MATR3: variants seen among roughly 807,000 people sequenced by gnomAD.
The protein encoded by MATR3 is matrin 3, also known as matrin-3.
Under a neutral mutation model 85.5 loss-of-function variants are expected in MATR3, and 4 were observed. That is an observed-to-expected ratio of 0.05 (90% CI 0.02 to 0.11). MATR3 has a LOEUF of 0.11. MATR3 is among the 10% of genes least tolerant of loss of function. MATR3 has a pLI of 1.00. For missense variants in MATR3, 685 were observed against 1,016.1 expected (o/e 0.67, Z 4.43); for synonymous variants, 336 against 343.1 (o/e 0.98, Z 0.23).
intron 1 of MATR3, among the ~76,000 whole-genome samples, chr5:139,305,604 G>T (rs1224893114): frequency 3.0e-4 from 46 of 152,092 alleles, no homozygotes. Flanking sequence ...ATTCTGTCTG[G>T]CATTTATAAG....
intron 14 of MATR3, 69 bp from the exon 15 acceptor site, chr5:139,329,276 T>A (rs1756010248): frequency 9.1e-7 from 1 of 1,101,550 alleles, no homozygotes; most frequent in East Asian, 2.4e-5. Flanking sequence ...GATATTTGAT[T>A]TTGGAATTAA....
upstream of MATR3, among the ~76,000 whole-genome samples, chr5:139,289,776 CTT>C (rs904842203): frequency 1.3e-5 from 2 of 152,182 alleles, no homozygotes; most frequent in African/African-American, 4.8e-5. Context: ...CTTAATCCTG[CTT>C]TCTCTCCTCT....
At chr5:139,298,194 A>G (rs973959929) in intron 1 of MATR3, among the ~76,000 whole-genome samples, 3 of 152,232 alleles carry the variant, frequency 2.0e-5, no homozygotes, top group Admixed American at 2.0e-4. Context: ...ACACACGGGA[A>G]CCTATACCAT....
intron 7 of MATR3, 114 bp downstream of exon 7, chr5:139,317,835 CAAATGCA>C: frequency 9.5e-7 from 1 of 1,055,276 alleles, no homozygotes; most frequent in Middle Eastern, 3.0e-4. Context: ...TTAAGTTTAT[CAAATGCA>C]GAATGTAGTA....
intron 1 of MATR3, chr5:139,294,042 G>T (rs1173424930): frequency 8.0e-7 from 1 of 1,245,952 alleles, no homozygotes; most frequent in Non-Finnish European, 1.0e-6. Flanking sequence ...AGCGGTCCGG[G>T]AGGGAAACAC....
chr5:139,279,029 T>G, intron 2 of MATR3: 1 of 496,952 alleles, frequency 2.0e-6, no homozygotes, highest in Non-Finnish European at 4.0e-6. Context: ...AGCCTGTCAT[T>G]CTTTACCTCT....
At chr5:139,328,422 C>G (rs1755966899) in intron 14 of MATR3, among the ~76,000 whole-genome samples, 1 of 152,002 alleles carries the variant, frequency 6.6e-6, no homozygotes, top group Admixed American at 6.6e-5. Flanking sequence ...TTTAATATGT[C>G]TTTTGTACTT....
At chr5:139,308,392 T>C in intron 2 of MATR3, 65 bp downstream of exon 2, 1 of 1,576,510 alleles carries the variant, frequency 6.3e-7, no homozygotes, top group Non-Finnish European at 8.7e-7. Context: ...CCTATATCTT[T>C]GACTCTAATT....
At chr5:139,295,096 A>G (rs1416727248) in intron 1 of MATR3, 2 of 152,226 alleles carry the variant, frequency 1.3e-5, no homozygotes, top group Non-Finnish European at 2.9e-5. Flanking sequence ...TCTCCCAGGG[A>G]AATCTAAACA....
At chr5:139,293,608 A>C, upstream of MATR3, 16 of 176,134 alleles carry the variant, frequency 9.1e-5, no homozygotes, top group East Asian at 2.8e-4. Flanking sequence ...CGCGCTGAGT[A>C]GGGGGAGGGG....
At chr5:139,310,149 A>C (rs921257437) in intron 2 of MATR3, 2 of 152,196 alleles carry the variant, frequency 1.3e-5, no homozygotes, top group African/African-American at 4.8e-5. Context: ...AAGGCTAATA[A>C]CTTAAATGGA....
intron 13 of MATR3, 30 bp downstream of exon 13, chr5:139,325,692 C>A (rs755382880): frequency 3.2e-6 from 5 of 1,559,346 alleles, no homozygotes; most frequent in Non-Finnish European, 4.4e-6. Flanking sequence ...TCTTCACCTT[C>A]CTCACTCTCC....
At chr5:139,319,860 CTTTTT>C (rs58123057) in intron 9 of MATR3, among the ~76,000 whole-genome samples, 41 of 44,166 alleles carry the variant, frequency 9.3e-4, no homozygotes, top group African/African-American at 3.0e-3. Flanking sequence ...AAAAAATTTG[CTTTTT>C]TTTTTTTTTT....
At chr5:139,274,248 G>A (rs1753181708) in intron 1 of MATR3, 1 of 355,990 alleles carries the variant, frequency 2.8e-6, no homozygotes, top group African/African-American at 2.1e-5. Context: ...CCGGGGCACG[G>A]GACGAAATTG....
In MATR3 at chr5:139,294,184, C is replaced by T. The variant is rs1233567817; in HGVS notation, c.-178+379C>T. On this transcript the variant is annotated intron_variant, in intron 1 of 14. Coordinates refer to ENST00000394805, the MANE Select transcript of MATR3 (RefSeq NM_018834.6). ...CGACTAGCCCGTTACACGCGGGCCG[C>T]GGCGCTGAGGGGGAGGGAGGAGCTC... 3 of 682,876 alleles carry T rather than the reference C, an allele frequency of 4.4e-6. No individual in the cohort carries two copies. In the South Asian group the frequency reaches 1.6e-4, roughly 36 times the overall value. 42.3% of individuals were successfully genotyped at this position (682,876 alleles called of 1,614,324 possible).
chr5:139,314,606 G>A (rs1213871648), intron 2 of MATR3, 69 bp from the exon 3 acceptor site: 1 of 1,289,252 alleles, frequency 7.8e-7, no homozygotes, highest in Non-Finnish European at 1.1e-6. Context: ...ATATCCTAGA[G>A]TTTGAATGGT....
Position 139,322,061 on chromosome 5 carries a change from A to T in MATR3, c.1734+32A>T, listed in dbSNP as rs73255239. 5 of 1,610,598 alleles carry T rather than the reference A, an allele frequency of 3.1e-6. No homozygotes were observed. In the African/African-American group the frequency reaches 6.7e-5, roughly 22 times the overall value. On this transcript the variant is annotated intron_variant, in intron 10 of 14. Transcript: ENST00000394805. The stretch of plus-strand genomic sequence containing the variant: ...AGTATTTGATTTGTCATCATTTAAC[A>T]GCTTGTTTTTACATATTTAAAGCCA...
intron 9 of MATR3, among the ~76,000 whole-genome samples, chr5:139,320,320 T>TTA (rs1465616892): frequency 6.6e-6 from 1 of 151,688 alleles, no homozygotes; most frequent in Non-Finnish European, 1.5e-5. Context: ...AAAAAAAAAT[T>TTA]TAGAGTTAGG....
intron 1 of MATR3, among the ~76,000 whole-genome samples, chr5:139,297,177 C>CA (rs901013325): frequency 4.0e-5 from 6 of 151,298 alleles, no homozygotes; most frequent in African/African-American, 1.2e-4. Flanking sequence ...GACTCCATCT[C>CA]AAAAAAAAGT....
Sources: gnomAD v4.1 joint callset for allele counts (sites outside exome capture counted in the v4.1 genomes callset) on GRCh38, gnomAD v4.1.1 for gene constraint, MANE v1.5 for transcripts, NCBI Gene and HGNC (gene_info 2026-07-23, HGNC 2026-07-21) for gene names.